The following KCNB2 variants were observed in gnomAD, a reference collection of about 807,000 sequenced individuals.
KCNB2 encodes delayed rectifier potassium channel protein.
Under a neutral mutation model 61.5 loss-of-function variants are expected in KCNB2, and 15 were observed. That is an observed-to-expected ratio of 0.24 (90% CI 0.16 to 0.38). KCNB2 has a LOEUF of 0.38. Among genes scored for constraint, KCNB2 ranks in the 10% least tolerant of loss-of-function variants. The pLI, the probability that KCNB2 is intolerant of heterozygous loss-of-function variation, is 1.00. For missense variants in KCNB2, 828 were observed against 1,125.2 expected (o/e 0.74, Z 3.78); for synonymous variants, 457 against 446.0 (o/e 1.02, Z -0.31).
chr8:72,593,172 ATTGT>A (rs776603852), intron 2 of KCNB2, among the ~76,000 whole-genome samples: 51 of 152,292 alleles, frequency 3.3e-4, no homozygotes, highest in South Asian at 2.1e-3. Flanking sequence ...AGTATTCATG[ATTGT>A]TTGTCTACAT....
intron 2 of KCNB2, among the ~76,000 whole-genome samples, chr8:72,632,551 C>A (rs1013810334): frequency 6.6e-6 from 1 of 152,116 alleles, no homozygotes; most frequent in Non-Finnish European, 1.5e-5. Context: ...CTGCTGCTCC[C>A]GAATGACACA....
intron 2 of KCNB2, among the ~76,000 whole-genome samples, chr8:72,610,321 C>G (rs1258875019): frequency 1.3e-5 from 2 of 152,130 alleles, no homozygotes; most frequent in African/African-American, 2.4e-5. Flanking sequence ...TGCTTAAAAA[C>G]CGAACTCTAA....
chr8:72,605,973 AT>A (rs1805441398), intron 2 of KCNB2, among the ~76,000 whole-genome samples: 1 of 152,224 alleles, frequency 6.6e-6, no homozygotes, highest in African/African-American at 2.4e-5. Flanking sequence ...TGTCAAATTA[AT>A]TGAAGAAAAG....
At chr8:72,613,759 C>T (rs929668211) in intron 2 of KCNB2, among the ~76,000 whole-genome samples, 5 of 152,216 alleles carry the variant, frequency 3.3e-5, no homozygotes, top group Admixed American at 2.6e-4. Context: ...TTGTTAGTTG[C>T]TGTCATTGGC....
chr8:72,547,694 C>A (rs1455796882), intron 1 of KCNB2, among the ~76,000 whole-genome samples: 1 of 152,074 alleles, frequency 6.6e-6, no homozygotes, highest in Non-Finnish European at 1.5e-5. Flanking sequence ...TTCTTATGAA[C>A]GAGCAAAGAA....
chr8:72,550,557 C>T (rs1354078967), intron 1 of KCNB2, among the ~76,000 whole-genome samples: 1 of 152,152 alleles, frequency 6.6e-6, no homozygotes, highest in African/African-American at 2.4e-5. Flanking sequence ...AGCATGCAGG[C>T]TGTGGTGTGC....
intron 2 of KCNB2, among the ~76,000 whole-genome samples, chr8:72,568,952 A>G (rs1183101838): frequency 6.6e-6 from 1 of 151,646 alleles, no homozygotes; most frequent in Non-Finnish European, 1.5e-5. Flanking sequence ...AGGTATTACC[A>G]TGTATCAGAG....
At chr8:72,897,088 A>C (rs769659974) in intron 2 of KCNB2, among the ~76,000 whole-genome samples, 1 of 152,036 alleles carries the variant, frequency 6.6e-6, no homozygotes, top group African/African-American at 2.4e-5. Flanking sequence ...TTTTTATTCC[A>C]TCATTACAAT....
chr8:72,567,743 A>C lies in KCNB2; in HGVS notation c.9A>C (p.Glu3Asp). 6.4e-7 allele frequency: 1 copy of C among 1,557,210 alleles called. No individual in the cohort carries two copies. Among genetic ancestry groups the C allele is most frequent in the Non-Finnish European group, 8.7e-7 (1 of 1,155,370 alleles). ...GCTTTGTCCAGTTCAAAATGGCAGA[A>C]AAGGCTCCCCCGGGCTTAAACAGGA... MA[E>D]KAPPGLNRKT... The change falls in exon 2 of 3, where the codon GAA (glutamate) becomes GAC (aspartate). Residue 3 changes from glutamate to aspartate, a missense_variant. Glu to Asp is a conservative substitution (Grantham distance 45). This residue lies in a region of KCNB2 where 62 missense variants were observed against 54.8 expected (regional missense o/e 1.13). Transcript: ENST00000523207.
At chr8:72,772,469 G>T (rs1026603066) in intron 2 of KCNB2, among the ~76,000 whole-genome samples, 4 of 152,186 alleles carry the variant, frequency 2.6e-5, no homozygotes, top group Non-Finnish European at 5.9e-5. Flanking sequence ...TAAGGGGGTA[G>T]CTCCCTGAGT....
chr8:72,886,916 A>G (rs1290174526), intron 2 of KCNB2, among the ~76,000 whole-genome samples: 3 of 152,192 alleles, frequency 2.0e-5, no homozygotes, highest in African/African-American at 7.2e-5. Context: ...CTGGGCCCTA[A>G]TTTTCAAGGG....
intron 2 of KCNB2, among the ~76,000 whole-genome samples, chr8:72,759,208 A>G (rs1808339206): frequency 6.6e-6 from 1 of 152,218 alleles, no homozygotes; most frequent in African/African-American, 2.4e-5. Flanking sequence ...CTGTTTTAAT[A>G]GAAAAAAATT....
intron 2 of KCNB2, among the ~76,000 whole-genome samples, chr8:72,905,862 C>G (rs955774039): frequency 1.3e-5 from 2 of 152,044 alleles, no homozygotes; most frequent in Non-Finnish European, 2.9e-5. Flanking sequence ...ACCAGACCAT[C>G]AGGAATTCAT....
intron 2 of KCNB2, among the ~76,000 whole-genome samples, chr8:72,874,125 C>T (rs948779611): frequency 6.6e-6 from 1 of 152,160 alleles, no homozygotes; most frequent in Non-Finnish European, 1.5e-5. Context: ...ATTATTTGCT[C>T]TCGTATCAGT....
intron 2 of KCNB2, among the ~76,000 whole-genome samples, chr8:72,801,416 G>T (rs1433477461): frequency 6.6e-6 from 1 of 152,172 alleles, no homozygotes; most frequent in Non-Finnish European, 1.5e-5. Context: ...TGTACCCATT[G>T]TAGTTCAGGT....
chr8:72,558,892 T>A, intron 1 of KCNB2, among the ~76,000 whole-genome samples: 2 of 152,246 alleles, frequency 1.3e-5, no homozygotes, highest in South Asian at 4.1e-4. Context: ...CAATAATATG[T>A]GATCCTTGAG....
intron 2 of KCNB2, among the ~76,000 whole-genome samples, chr8:72,654,176 C>G (rs1010064630): frequency 6.6e-6 from 1 of 152,152 alleles, no homozygotes; most frequent in African/African-American, 2.4e-5. Flanking sequence ...TGGGCTCTGA[C>G]TTCAGGTTTC....
At chr8:72,743,667 T>C (rs986418522) in intron 2 of KCNB2, among the ~76,000 whole-genome samples, 1 of 152,226 alleles carries the variant, frequency 6.6e-6, no homozygotes, top group African/African-American at 2.4e-5. Context: ...CTGTATTTTT[T>C]CTTCTGAGAC....
rs912324648 is a variant in KCNB2 at position 72,932,191 on chromosome 8, C to A, written c.580-3744C>A. On this transcript the variant is annotated intron_variant, in intron 2 of 2. Coordinates refer to ENST00000523207, the MANE Select transcript of KCNB2 (RefSeq NM_004770.3). ...AAAGGAGAGAGTTTATTTCTGTAACCAGGTACAGGGAGAAGGCCTGGAAAT... is the reference window on the plus strand; with the variant it reads ...AAAGGAGAGAGTTTATTTCTGTAACAAGGTACAGGGAGAAGGCCTGGAAAT... 5.9e-5 allele frequency among the ~76,000 whole-genome samples: 9 copies of A among 152,260 alleles called. No homozygotes were observed. The South Asian group carries it at 1.9e-3, about 32-fold the overall frequency.
Sources: allele counts gnomAD v4.1 joint callset (sites outside exome capture counted in the v4.1 genomes callset), GRCh38; gene constraint gnomAD v4.1.1; regional missense constraint gnomAD v4.1.1; transcripts MANE v1.5; gene names NCBI Gene and HGNC (gene_info 2026-07-23, HGNC 2026-07-21).